Variants in STK10 observed in about 807,000 individuals in gnomAD.
The protein encoded by STK10 is serine/threonine-protein kinase 10.
Under a neutral mutation model 113.8 loss-of-function variants are expected in STK10, and 78 were observed. The ratio of observed to expected loss-of-function variants is 0.69; its 90% CI spans 0.57 to 0.83. The LOEUF is 0.83. STK10 is among the 40% of genes least tolerant of loss of function. The pLI, the probability that STK10 is intolerant of heterozygous loss-of-function variation, is 0.00. For missense variants in STK10, 1,109 were observed against 1,280.1 expected, an observed-to-expected ratio of 0.87 and a Z score of 2.04; for synonymous variants, 465 against 494.7, an observed-to-expected ratio of 0.94 and a Z score of 0.80.
intron 1 of STK10, among the ~76,000 whole-genome samples, chr5:172,184,327 T>C (rs2113847490): frequency 6.6e-6 from 1 of 152,148 alleles, no homozygotes; most frequent in African/African-American, 2.4e-5. Context: ...ACCTCTCGAG[T>C]AGGCAGCCTG....
At chr5:172,139,502 A>G (rs1412223243) in intron 2 of STK10, among the ~76,000 whole-genome samples, 1 of 151,754 alleles carries the variant, frequency 6.6e-6, no homozygotes, top group Non-Finnish European at 1.5e-5. Flanking sequence ...GGAAAAAAAA[A>G]AAAAAAAGAA....
rs190581076 is a variant in STK10 at position 172,158,005 on chromosome 5, G to A, written c.157-1217C>T. 5.3e-5 allele frequency among the ~76,000 whole-genome samples: 8 copies of A among 152,286 alleles called. No individual in the cohort carries two copies. The South Asian group carries it at 6.2e-4, about 12-fold the overall frequency. ...TGCGTAAGTGCCCACCAGTTACAGC[G>A]GAACTGTTTCGTAGATGCATGTCAC... is the stretch of plus-strand genomic sequence containing the variant. On this transcript the variant is annotated intron_variant, in intron 1 of 18. Coordinates refer to ENST00000176763, the MANE Select transcript of STK10 (RefSeq NM_005990.4).
chr5:172,065,714 C>T (rs1049243838), intron 12 of STK10, among the ~76,000 whole-genome samples: 8 of 152,080 alleles, frequency 5.3e-5, no homozygotes, highest in African/African-American at 1.2e-4. Flanking sequence ...AGCTTTGGGA[C>T]GTTTGCTGGA....
intron 1 of STK10, among the ~76,000 whole-genome samples, chr5:172,173,975 C>T (rs987720157): frequency 6.6e-6 from 1 of 152,156 alleles, no homozygotes; most frequent in Non-Finnish European, 1.5e-5. Flanking sequence ...CCCAAAGTCA[C>T]ACAGCCAACA....
intron 1 of STK10, among the ~76,000 whole-genome samples, chr5:172,185,035 C>CG (rs1770928947): frequency 6.6e-6 from 1 of 152,056 alleles, no homozygotes; most frequent in East Asian, 1.9e-4. Context: ...GATTGTGGAT[C>CG]GGATGAGTTC....
intron 2 of STK10, among the ~76,000 whole-genome samples, chr5:172,149,490 G>C (rs145122200): frequency 2.4e-4 from 34 of 143,242 alleles, no homozygotes; most frequent in African/African-American, 9.3e-4. Context: ...GCTTTACAAA[G>C]TGCTCGTGTG....
chr5:172,080,231 C>T (rs922151748), intron 12 of STK10, among the ~76,000 whole-genome samples: 2 of 152,204 alleles, frequency 1.3e-5, no homozygotes, highest in African/African-American at 4.8e-5. Flanking sequence ...GATCTGACTG[C>T]TCCACAGACT....
intron 2 of STK10, among the ~76,000 whole-genome samples, chr5:172,151,038 C>A (rs1429159133): frequency 2.0e-5 from 3 of 152,260 alleles, no homozygotes; most frequent in Non-Finnish European, 2.9e-5. Context: ...AGATTTCACA[C>A]CAGGCCCCGT....
chr5:172,072,539 A>G (rs760076180), intron 12 of STK10, among the ~76,000 whole-genome samples: 35 of 152,202 alleles, frequency 2.3e-4, no homozygotes, highest in Admixed American at 5.2e-4. Flanking sequence ...AAGTGCTAGG[A>G]TTACAGGCGT....
chr5:172,101,299 C>T (rs1374992708), intron 7 of STK10, among the ~76,000 whole-genome samples: 3 of 151,622 alleles, frequency 2.0e-5, no homozygotes, highest in Non-Finnish European at 2.9e-5. Context: ...GGTGAAACCC[C>T]ACCTCTACTA....
At chr5:172,098,780 C>T (rs1768911851) in intron 7 of STK10, among the ~76,000 whole-genome samples, 1 of 152,142 alleles carries the variant, frequency 6.6e-6, no homozygotes, top group African/African-American at 2.4e-5. Context: ...AACCCTGAGT[C>T]TCAGTTTGCT....
At chr5:172,185,286 T>C (rs1770934522) in intron 1 of STK10, among the ~76,000 whole-genome samples, 1 of 152,186 alleles carries the variant, frequency 6.6e-6, no homozygotes, top group South Asian at 2.1e-4. Context: ...TGTTTTGTTT[T>C]TGAGACAGAG....
At chr5:172,100,836 C>T (rs1046832900) in intron 7 of STK10, among the ~76,000 whole-genome samples, 3 of 152,162 alleles carry the variant, frequency 2.0e-5, no homozygotes, top group South Asian at 2.1e-4. Context: ...TCGCAGTTTT[C>T]AGGCGCTGGC....
chr5:172,045,290 A>G (rs2113676236), intron 18 of STK10: 1 of 606,830 alleles, frequency 1.6e-6, no homozygotes, highest in Non-Finnish European at 3.0e-6. Flanking sequence ...GCAGGGAGGA[A>G]AAAAAAGCAG....
intron 1 of STK10, among the ~76,000 whole-genome samples, chr5:172,172,225 G>A (rs750979337): frequency 1.3e-5 from 2 of 151,986 alleles, no homozygotes; most frequent in East Asian, 1.9e-4. Context: ...ACAGCCCTTC[G>A]GAGCACAAAA....
At chr5:172,103,523 C>T (rs1328606845) in intron 7 of STK10, among the ~76,000 whole-genome samples, 1 of 152,068 alleles carries the variant, frequency 6.6e-6, no homozygotes, top group Non-Finnish European at 1.5e-5. Context: ...GCAGGAGGTG[C>T]CTCTTACAGG....
At chr5:172,105,468 T>C in intron 7 of STK10, 188 bp downstream of exon 7, 1 of 622,438 alleles carries the variant, frequency 1.6e-6, no homozygotes, top group East Asian at 2.8e-5. Flanking sequence ...TCTGGGTGGC[T>C]TCGTTCCCCA....
intron 13 of STK10, 45 bp from the exon 14 acceptor site, chr5:172,061,313 G>A: frequency 6.4e-7 from 1 of 1,571,098 alleles, no homozygotes. Flanking sequence ...AGCCGGCTTG[G>A]GCACCTCCAT....
At chr5:172,123,732 G>T (rs529047947) in intron 3 of STK10, among the ~76,000 whole-genome samples, 3 of 152,208 alleles carry the variant, frequency 2.0e-5, no homozygotes, top group African/African-American at 7.2e-5. Flanking sequence ...CTCTTTAAAA[G>T]AGTCTTCAGT....
Sources: allele counts gnomAD v4.1 joint callset (sites outside exome capture counted in the v4.1 genomes callset), GRCh38; gene constraint gnomAD v4.1.1; transcripts MANE v1.5; gene names NCBI Gene and HGNC (gene_info 2026-07-23, HGNC 2026-07-21).